The following ACBD6 variants were observed in gnomAD, a reference collection of about 807,000 sequenced individuals.
The protein encoded by ACBD6 is acyl-CoA binding domain containing 6, also known as acyl-CoA-binding domain-containing protein 6.
Under a neutral mutation model 37.2 loss-of-function variants are expected in ACBD6, and 28 were observed. The ratio of observed to expected loss-of-function variants is 0.75; its 90% confidence interval spans 0.56 to 1.03. The LOEUF is 1.03. Ranked by LOEUF, ACBD6 falls within the 50% of genes least tolerant of loss-of-function variation. The pLI, the probability that ACBD6 is intolerant of heterozygous loss-of-function variation, is 0.00. For missense variants in ACBD6, 340 were observed against 337.4 expected (o/e 1.01, Z -0.06); for synonymous variants, 113 against 126.8 (o/e 0.89, Z 0.73).
At chr1:180,348,385 A>G (rs1652274824) in intron 6 of ACBD6, among the ~76,000 whole-genome samples, 1 of 152,222 alleles carries the variant, frequency 6.6e-6, no homozygotes, top group Non-Finnish European at 1.5e-5. Flanking sequence ...ATGAACGGAA[A>G]TGATCAGTCC....
chr1:180,350,027 T>C (rs1202799999), intron 6 of ACBD6, among the ~76,000 whole-genome samples: 14 of 28,544 alleles, frequency 4.9e-4, no homozygotes, highest in African/African-American at 6.1e-4. Flanking sequence ...GTGACCCTTT[T>C]TTTTTTTTTT....
intron 5 of ACBD6, among the ~76,000 whole-genome samples, chr1:180,410,618 G>A (rs779058203): frequency 3.3e-5 from 5 of 152,012 alleles, no homozygotes; most frequent in Non-Finnish European, 7.4e-5. Flanking sequence ...TTTACAAAAT[G>A]GTTTACTGAA....
rs1190844682 is a variant in ACBD6, at chr1:180,492,368, ACAATATGGAATATC to A, written c.288-17_288-4del. The A allele has an allele frequency of 1.2e-6, 2 of 1,612,516 alleles. No homozygotes were observed. The highest frequency in any genetic ancestry group is 2.2e-5 in the South Asian group (2 of 91,054). ...CACCAAGTGCTTTCCAAGCTTCCCT[ACAATATGGAATATC>A]CAAAATGGCCTGTCATTATGCAAAT... On this transcript the variant is annotated splice_region_variant and splice_polypyrimidine_tract_variant and intron_variant, in intron 2 of 7. Coordinates refer to ENST00000367595, the MANE Select transcript of ACBD6 (RefSeq NM_032360.4).
At chr1:180,492,045 G>A (rs896796534) in intron 3 of ACBD6, among the ~76,000 whole-genome samples, 1 of 152,098 alleles carries the variant, frequency 6.6e-6, no homozygotes, top group Admixed American at 6.5e-5. Flanking sequence ...CTTACCTCAG[G>A]TGAACCACCT....
downstream of ACBD6, among the ~76,000 whole-genome samples, chr1:180,284,844 C>T (rs1383292639): frequency 1.3e-5 from 2 of 152,028 alleles, no homozygotes; most frequent in Admixed American, 6.6e-5. Flanking sequence ...CATAATTACC[C>T]TGATTTTGAA....
chr1:180,414,517 G>A (rs1647995428), intron 4 of ACBD6, among the ~76,000 whole-genome samples: 1 of 152,164 alleles, frequency 6.6e-6, no homozygotes, highest in Non-Finnish European at 1.5e-5. Context: ...CCATCTAAGT[G>A]TTCTTTAAGC....
At chr1:180,291,865 A>C (rs1649721860) in intron 7 of ACBD6, among the ~76,000 whole-genome samples, 1 of 152,116 alleles carries the variant, frequency 6.6e-6, no homozygotes, top group Non-Finnish European at 1.5e-5. Flanking sequence ...AGTAGGCTTC[A>C]GGCTCACCTT....
At chr1:180,344,131 AAG>A (rs536534660) in intron 6 of ACBD6, among the ~76,000 whole-genome samples, 27 of 152,194 alleles carry the variant, frequency 1.8e-4, no homozygotes, top group Non-Finnish European at 3.7e-4. Flanking sequence ...ACAGAGGAAA[AAG>A]AGACTGAACA....
intron 5 of ACBD6, among the ~76,000 whole-genome samples, chr1:180,407,786 T>C (rs1281453663): frequency 6.6e-6 from 1 of 152,204 alleles, no homozygotes; most frequent in Non-Finnish European, 1.5e-5. Context: ...AGAGATAATA[T>C]AGTAATAAGT....
chr1:180,410,628 A>G (rs1378085431), intron 5 of ACBD6, among the ~76,000 whole-genome samples: 1 of 152,174 alleles, frequency 6.6e-6, no homozygotes, highest in Non-Finnish European at 1.5e-5. Context: ...GGTTTACTGA[A>G]TATTTTAAGC....
intron 6 of ACBD6, among the ~76,000 whole-genome samples, chr1:180,331,373 A>C (rs1453692248): frequency 2.0e-5 from 3 of 152,222 alleles, no homozygotes; most frequent in Non-Finnish European, 1.5e-5. Flanking sequence ...TTTAATCTAA[A>C]GCCAGATTTT....
chr1:180,288,426 C>A lies in ACBD6; in HGVS notation c.786G>T (p.Glu262Asp). ...TLRDQDGCLP[E>D]EVTGCKTVSL... ...AAACTGTTTTGCAGCCTGTCACCTC[C>A]TCTGGCAGGCAGCCATCCTGGTCTC... is the stretch of plus-strand genomic sequence containing the variant. The change falls in exon 8 of 8, where the codon GAG (glutamate) becomes GAT (aspartate). Residue 262 changes from glutamate (E) to aspartate (D), a missense_variant. Glu to Asp is a conservative substitution (Grantham distance 45, BLOSUM62 2). Coordinates refer to ENST00000367595, the MANE Select transcript of ACBD6 (RefSeq NM_032360.4). 1.1e-5 allele frequency: 18 copies of A among 1,613,792 alleles called. No homozygotes were observed. The highest frequency in any genetic ancestry group is 1.5e-5 in the Non-Finnish European group (18 of 1,179,990).
At chr1:180,436,171 C>T (rs985571441) in intron 3 of ACBD6, among the ~76,000 whole-genome samples, 5 of 152,118 alleles carry the variant, frequency 3.3e-5, no homozygotes, top group African/African-American at 7.2e-5. Context: ...AACTTGGTGG[C>T]CCCTTTGAGA....
chr1:180,422,211 CT>C (rs112259081), intron 4 of ACBD6, among the ~76,000 whole-genome samples: 185 of 144,466 alleles, frequency 1.3e-3, no homozygotes, highest in Admixed American at 1.2e-3. Flanking sequence ...TTTCTTTTTT[CT>C]TTTTTTTTTT....
chr1:180,489,633 T>C (rs1160261333), intron 3 of ACBD6, among the ~76,000 whole-genome samples: 1 of 151,662 alleles, frequency 6.6e-6, no homozygotes, highest in Non-Finnish European at 1.5e-5. Context: ...TTAAAAACCA[T>C]CCTCAACACC....
chr1:180,457,070 A>G (rs1372857003), intron 3 of ACBD6, among the ~76,000 whole-genome samples: 1 of 152,192 alleles, frequency 6.6e-6, no homozygotes, highest in Non-Finnish European at 1.5e-5. Flanking sequence ...ATAAACAATA[A>G]TAGGAAGATG....
chr1:180,312,021 TC>T (rs1374470021), intron 7 of ACBD6, among the ~76,000 whole-genome samples: 4 of 152,208 alleles, frequency 2.6e-5, no homozygotes, highest in African/African-American at 9.6e-5. Context: ...GAAGAACAAG[TC>T]CTTCTTTCTT....
chr1:180,400,525 A>G (rs1049774106), intron 5 of ACBD6, among the ~76,000 whole-genome samples: 2 of 152,210 alleles, frequency 1.3e-5, no homozygotes, highest in African/African-American at 4.8e-5. Context: ...CAAAAACAAG[A>G]GTAGGATTAA....
At chr1:180,321,065 T>C (rs1353074537) in intron 6 of ACBD6, among the ~76,000 whole-genome samples, 1 of 152,310 alleles carries the variant, frequency 6.6e-6, no homozygotes, top group East Asian at 1.9e-4. Context: ...CCCCAATGTA[T>C]GTTTTTGGTA....
Sources: gnomAD v4.1 joint callset for allele counts (sites outside exome capture counted in the v4.1 genomes callset) on GRCh38, gnomAD v4.1.1 for gene constraint, MANE v1.5 for transcripts, NCBI Gene and HGNC (gene_info 2026-07-23, HGNC 2026-07-21) for gene names.